Variants in USP34 observed in about 807,000 individuals in gnomAD.
The protein encoded by USP34 is ubiquitin specific peptidase 34.
Under a neutral mutation model 460.3 loss-of-function variants are expected in USP34, and 70 were observed. The ratio of observed to expected loss-of-function variants is 0.15; its 90% CI spans 0.13 to 0.19. The LOEUF (loss-of-function observed/expected upper bound fraction) is 0.19, where lower values mean the gene tolerates loss of function less well. USP34 is among the 10% of genes least tolerant of loss of function. The probability of loss-of-function intolerance (pLI) is 1.00; values close to 1 mark genes in which losing one functional copy is unlikely to be tolerated. For missense variants in USP34, 3,985 were observed against 4,236.2 expected, an observed-to-expected ratio of 0.94 and a Z score of 1.65; for synonymous variants, 1,647 against 1,405.3, an observed-to-expected ratio of 1.17 and a Z score of -3.85.
rs1212828399 is a variant in USP34 at position 61,188,385 on chromosome 2, A to C, written c.10358T>G (p.Leu3453Arg). The change falls in exon 80 of 80, where the codon CTC becomes CGC. Residue 3453 changes from leucine to arginine, a missense_variant. Leu to Arg is a moderately radical substitution (Grantham distance 102). Around this residue, in one of 14 missense-constraint regions of USP34, gnomAD observed 506 missense variants for 439.0 expected, o/e 1.15. Coordinates refer to ENST00000398571, the MANE Select transcript of USP34 (RefSeq NM_014709.4). ...RYDDCKEFKD[L>R]HCSKDSTLAE... The stretch of plus-strand genomic sequence containing the variant: ...TAGGGTAGAATCCTTGGAACAGTGG[A>C]GGTCTTTAAATTCTTTACAATCGTC... 1 of 1,613,956 alleles carries C rather than the reference A, an allele frequency of 6.2e-7. No individual in the cohort carries two copies. The highest frequency in any genetic ancestry group is 8.5e-7 in the Non-Finnish European group (1 of 1,180,030).
chr2:61,224,833 A>C (rs975148013), intron 62 of USP34, among the ~76,000 whole-genome samples: 1 of 152,226 alleles, frequency 6.6e-6, no homozygotes, highest in Non-Finnish European at 1.5e-5. Flanking sequence ...TATGACCAGT[A>C]GAAACCTCCG....
intron 1 of USP34, among the ~76,000 whole-genome samples, chr2:61,437,058 G>A (rs892329992): frequency 6.6e-6 from 1 of 152,152 alleles, no homozygotes; most frequent in East Asian, 1.9e-4. Context: ...ACTGCTAAGA[G>A]GGAAGTTTAT....
At chr2:61,433,571 T>C (rs1009489080) in intron 1 of USP34, among the ~76,000 whole-genome samples, 3 of 151,924 alleles carry the variant, frequency 2.0e-5, no homozygotes, top group African/African-American at 7.3e-5. Context: ...GAGGCAGAGG[T>C]TGCAGTGAAC....
Position 61,317,668 on chromosome 2 carries a change from A to C in USP34, c.3268T>G (p.Cys1090Gly), listed in dbSNP as rs954753505. The C allele has an allele frequency of 1.9e-6, 3 of 1,613,826 alleles. No individual in the cohort carries two copies. Among genetic ancestry groups the C allele is most frequent in the Admixed American group, 1.7e-5 (1 of 59,972 alleles). Residue 1090 changes from cysteine to glycine, a missense_variant, in exon 23 of 80, where the codon TGT (cysteine) becomes GGT (glycine). Transcript: ENST00000398571. ...ARLATSAYDG[C>G]SNSELCGMDQ... ...TAAATCCATACCTCAGAATTTGAAC[A>C]ACCATCATAGGCACTGGTAGCCAAT... is the stretch of plus-strand genomic sequence containing the variant.
intron 16 of USP34, among the ~76,000 whole-genome samples, chr2:61,343,199 T>C (rs542518589): frequency 6.6e-6 from 1 of 152,200 alleles, no homozygotes; most frequent in African/African-American, 2.4e-5. Context: ...GCCTTTAAAC[T>C]GCCAATTCTA....
chr2:61,423,265 C>T lies in USP34; in HGVS notation c.44-2432G>A, dbSNP rs187788506. 9.9e-5 allele frequency among the ~76,000 whole-genome samples: 15 copies of T among 152,158 alleles called. 1 individual carries two copies. The highest frequency in any genetic ancestry group is 1.5e-5 in the Non-Finnish European group (1 of 67,990). ...AGTAGCTGGGATTACAGGTGCCCACCATCACGCCTGGCTAGTTTTTGTATT... is the reference window on the plus strand; with the variant it reads ...AGTAGCTGGGATTACAGGTGCCCACTATCACGCCTGGCTAGTTTTTGTATT... On this transcript the variant is annotated intron_variant, in intron 1 of 79. Transcript: ENST00000398571.
At chr2:61,449,935 G>A (rs558767011) in intron 1 of USP34, among the ~76,000 whole-genome samples, 81 of 152,092 alleles carry the variant, frequency 5.3e-4, no homozygotes, top group Middle Eastern at 3.4e-3. Context: ...GCATGGTGGC[G>A]CACGCCTGTA....
intron 75 of USP34, among the ~76,000 whole-genome samples, chr2:61,198,690 G>GA (rs1686881658): frequency 1.3e-5 from 2 of 152,020 alleles, no homozygotes; most frequent in African/African-American, 2.4e-5. Flanking sequence ...CTAATATGGT[G>GA]AAACCTCATC....
intron 53 of USP34, among the ~76,000 whole-genome samples, chr2:61,239,464 G>A (rs1243166868): frequency 6.6e-6 from 1 of 151,808 alleles, no homozygotes; most frequent in African/African-American, 2.4e-5. Flanking sequence ...AACACTGTTG[G>A]GTACTTATAT....
At chr2:61,298,537 CAAAAAAAAAAAAAAAAAAAAAA>C (rs57087400) in intron 29 of USP34, among the ~76,000 whole-genome samples, 3 of 28,282 alleles carry the variant, frequency 1.1e-4, no homozygotes, top group African/African-American at 3.4e-4. Flanking sequence ...GACTCTGTCT[CAAAAAAAAAAAAAAAAAAAAAA>C]AAAAAAAAAA....
rs1688821524 is a variant in USP34, at chr2:61,259,738, C to T, written c.5817G>A (p.Glu1939=). 1.2e-6 allele frequency: 2 copies of T among 1,613,384 alleles called. No homozygotes were observed. Among genetic ancestry groups the T allele is most frequent in the South Asian group, 1.1e-5 (1 of 91,070 alleles). Residue 1939 remains glutamate, a synonymous_variant, in exon 44 of 80, where the codon GAG becomes GAA. Transcript: ENST00000398571. ...EDMKHKTTLL[E]LQKMFTYLME... ...TTAAATATGTAAACATTTTCTGAAG[C>T]TCCAGAAGAGTGGTCTTGTGCTTCA...
chr2:61,326,739 C>A (rs1329727804), intron 20 of USP34, among the ~76,000 whole-genome samples: 3 of 149,778 alleles, frequency 2.0e-5, no homozygotes, highest in Non-Finnish European at 4.4e-5. Flanking sequence ...CTGGTCTATG[C>A]TCTGATCTAT....
At chr2:61,314,475 G>A (rs1690683854) in intron 25 of USP34, 110 bp downstream of exon 25, 1 of 960,532 alleles carries the variant, frequency 1.0e-6, no homozygotes, top group Non-Finnish European at 1.4e-6. Context: ...GGTAAATTAT[G>A]CTTTCTACTT....
chr2:61,322,647 T>G (rs572123892), intron 21 of USP34, among the ~76,000 whole-genome samples: 1 of 152,148 alleles, frequency 6.6e-6, no homozygotes, highest in South Asian at 2.1e-4. Context: ...AATGACAAAA[T>G]ACAGAAAAAT....
intron 72 of USP34, among the ~76,000 whole-genome samples, chr2:61,205,655 A>G (rs1252521892): frequency 2.0e-5 from 3 of 152,248 alleles, no homozygotes; most frequent in Non-Finnish European, 1.5e-5. Context: ...TCTTTAGGCA[A>G]AAGAACTCAC....
At position 61,454,514 on chromosome 2, in the gene USP34, A is replaced by G. The variant is rs1323783605; in HGVS notation, c.43+16136T>C. Among the ~76,000 whole-genome samples the G allele has an allele frequency of 3.9e-5, 6 of 152,162 alleles. No individual in the cohort carries two copies. In the East Asian group the frequency reaches 7.7e-4, roughly 20 times the overall value. On this transcript the variant is annotated intron_variant, in intron 1 of 79. Transcript: ENST00000398571. Reference sequence around the variant, plus strand: ...AGTTATAGAGAAAACTTCTCTGTGTACTTTCATAAACAACAGGTCCCTGGT... The same window carrying G: ...AGTTATAGAGAAAACTTCTCTGTGTGCTTTCATAAACAACAGGTCCCTGGT...
At chr2:61,378,212 A>C in intron 8 of USP34, 151 bp downstream of exon 8, 2 of 572,674 alleles carry the variant, frequency 3.5e-6, no homozygotes, top group Non-Finnish European at 6.1e-6. Context: ...CAGACAGCAT[A>C]ATGTTCTGAA....
chr2:61,423,317 G>A (rs1228352042), intron 1 of USP34, among the ~76,000 whole-genome samples: 1 of 152,014 alleles, frequency 6.6e-6, no homozygotes, highest in Non-Finnish European at 1.5e-5. Flanking sequence ...TCACCATGAT[G>A]GCCAGGCTGC....
At chr2:61,259,904 C>G in intron 43 of USP34, 128 bp from the exon 44 acceptor site, 1 of 699,282 alleles carries the variant, frequency 1.4e-6, no homozygotes, top group Non-Finnish European at 2.3e-6. Context: ...AAAAGAAAAA[C>G]ACCAACACAT....
Sources: gnomAD v4.1 joint callset for allele counts (sites outside exome capture counted in the v4.1 genomes callset) on GRCh38, gnomAD v4.1.1 for gene constraint, gnomAD v4.1.1 regional missense constraint, MANE v1.5 for transcripts, NCBI Gene and HGNC (gene_info 2026-07-23, HGNC 2026-07-21) for gene names.